PIBF1: variants seen among roughly 807,000 people sequenced by gnomAD.
PIBF1 encodes progesterone-induced-blocking factor 1.
In PIBF1, 90 loss-of-function variants were observed where a neutral mutation model predicts 112.5. The ratio of observed to expected loss-of-function variants is 0.80; its 90% CI spans 0.67 to 0.95. The LOEUF is 0.95. Ranked by LOEUF, PIBF1 falls within the 40% of genes least tolerant of loss-of-function variation. The pLI, the probability that PIBF1 is intolerant of heterozygous loss-of-function variation, is 0.00. For missense variants in PIBF1, 915 were observed against 852.3 expected, an observed-to-expected ratio of 1.07 and a Z score of -0.92; for synonymous variants, 301 against 288.6, an observed-to-expected ratio of 1.04 and a Z score of -0.44.
At chr13:72,790,930 G>A (rs1387984432) in intron 2 of PIBF1, among the ~76,000 whole-genome samples, 2 of 152,152 alleles carry the variant, frequency 1.3e-5, no homozygotes, top group Non-Finnish European at 2.9e-5. Flanking sequence ...GTGATCAAGG[G>A]ACCATTTGCT....
In PIBF1 at chr13:72,924,670, G is replaced by C. The variant is rs148929625; in HGVS notation, c.1731-6495G>C. On this transcript the variant is annotated intron_variant, in intron 13 of 17. Transcript: ENST00000326291. ...GGTCAAGACTGCAGTAGCCATGTTTGCACCATTGCACTTCCTGGCCTGGGC... is the reference window on the plus strand; with the variant it reads ...GGTCAAGACTGCAGTAGCCATGTTTCCACCATTGCACTTCCTGGCCTGGGC... Among the ~76,000 whole-genome samples the C allele has an allele frequency of 2.5e-4, 38 of 151,966 alleles. No homozygotes were observed. The East Asian group carries it at 6.4e-3, about 26-fold the overall frequency.
intron 14 of PIBF1, among the ~76,000 whole-genome samples, chr13:72,961,387 A>G (rs2042603549): frequency 6.6e-6 from 1 of 152,114 alleles, no homozygotes; most frequent in Admixed American, 6.6e-5. Flanking sequence ...CAAAAAATTG[A>G]TATGCTAAAG....
chr13:72,790,112 A>C (rs1424094618), intron 2 of PIBF1, among the ~76,000 whole-genome samples: 1 of 152,092 alleles, frequency 6.6e-6, no homozygotes, highest in Admixed American at 6.6e-5. Flanking sequence ...TTAGCCCATC[A>C]CCATTTTTTA....
At chr13:72,846,880 G>C (rs1566351584) in intron 9 of PIBF1, among the ~76,000 whole-genome samples, 1 of 152,152 alleles carries the variant, frequency 6.6e-6, no homozygotes, top group Non-Finnish European at 1.5e-5. Flanking sequence ...CCAGGTACCA[G>C]TGCCTGGTAC....
intron 2 of PIBF1, among the ~76,000 whole-genome samples, chr13:72,785,737 C>G (rs772717719): frequency 6.6e-6 from 1 of 152,168 alleles, no homozygotes; most frequent in Non-Finnish European, 1.5e-5. Context: ...ATTGAAGAAA[C>G]CTGAGGTTAT....
intron 14 of PIBF1, among the ~76,000 whole-genome samples, chr13:72,932,789 T>C: frequency 6.6e-6 from 1 of 152,238 alleles, no homozygotes; most frequent in East Asian, 1.9e-4. Context: ...TGTATTTTAC[T>C]ATAAATTTAA....
At position 72,917,078 on chromosome 13, in the gene PIBF1, G is replaced by C. The variant is rs576805929; in HGVS notation, c.1642G>C (p.Glu548Gln). The stretch of plus-strand genomic sequence containing the variant: ...TTATACACTTTAATATTTTCCAGTT[G>C]AAAATGAAGATGAGGCTGAAAGGGT... ...DEIIMQTAEI[E>Q]NEDEAERVLF... The change falls in exon 13 of 18, where the codon GAA becomes CAA. Residue 548 changes from glutamate to glutamine, a missense_variant and splice_region_variant. Glu to Gln is a conservative substitution (Grantham distance 29). Coordinates refer to ENST00000326291, the MANE Select transcript of PIBF1 (RefSeq NM_006346.4). The C allele has an allele frequency of 4.5e-6, 7 of 1,572,584 alleles. No homozygotes were observed. The highest frequency in any genetic ancestry group is 1.8e-5 in the Admixed American group (1 of 55,010).
chr13:72,951,878 T>C (rs914491815), intron 14 of PIBF1, among the ~76,000 whole-genome samples: 1 of 152,140 alleles, frequency 6.6e-6, no homozygotes, highest in African/African-American at 2.4e-5. Context: ...ATTTTAGTAT[T>C]TTTAGTAGAG....
intron 16 of PIBF1, chr13:72,974,012 G>A (rs1316185447): frequency 3.2e-6 from 1 of 312,774 alleles, no homozygotes; most frequent in Non-Finnish European, 5.8e-6. Context: ...TGCCTGTAGT[G>A]TAGATAATTT....
chr13:72,837,880 A>G lies in PIBF1; in HGVS notation c.1223+2512A>G, dbSNP rs115703991. On this transcript the variant is annotated intron_variant, in intron 9 of 17. Transcript: ENST00000326291. ...GTCCCTTCATGTTCATTACAAAAGTATAACAGTTTTATGAATGTACATGCT... is the reference window on the plus strand; with the variant it reads ...GTCCCTTCATGTTCATTACAAAAGTGTAACAGTTTTATGAATGTACATGCT... Among the ~76,000 whole-genome samples the G allele has an allele frequency of 2.3e-3, 343 of 152,320 alleles. 2 individuals carry two copies. The highest frequency in any genetic ancestry group is 8.0e-3 in the African/African-American group (331 of 41,586).
chr13:72,927,769 A>G (rs2041535895), intron 13 of PIBF1, among the ~76,000 whole-genome samples: 1 of 150,882 alleles, frequency 6.6e-6, no homozygotes, highest in Non-Finnish European at 1.5e-5. Flanking sequence ...AAATCTTAAT[A>G]TAATCTCTTA....
At chr13:72,981,220 C>A (rs1022231213) in intron 16 of PIBF1, among the ~76,000 whole-genome samples, 1 of 151,328 alleles carries the variant, frequency 6.6e-6, no homozygotes, top group Non-Finnish European at 1.5e-5. Flanking sequence ...CCACTGCACT[C>A]CAGCCTGGGT....
At chr13:72,819,870 A>G (rs932635674) in intron 5 of PIBF1, among the ~76,000 whole-genome samples, 26 of 152,016 alleles carry the variant, frequency 1.7e-4, no homozygotes, top group African/African-American at 7.2e-5. Context: ...ACTGTCTTCC[A>G]CTGTTTTTCC....
chr13:72,797,696 G>T (rs1026579610), intron 4 of PIBF1, among the ~76,000 whole-genome samples: 1 of 152,132 alleles, frequency 6.6e-6, no homozygotes, highest in African/African-American at 2.4e-5. Flanking sequence ...ACTGTCAAAG[G>T]TAAGAGGTTA....
intron 9 of PIBF1, chr13:72,836,023 G>C (rs960516980): frequency 2.5e-6 from 1 of 399,982 alleles, no homozygotes; most frequent in Non-Finnish European, 4.9e-6. Flanking sequence ...GGCATGAACC[G>C]GGGACACAGA....
At chr13:72,902,675 C>T (rs925731533) in intron 11 of PIBF1, among the ~76,000 whole-genome samples, 4 of 152,042 alleles carry the variant, frequency 2.6e-5, no homozygotes, top group Non-Finnish European at 5.9e-5. Context: ...TTAGAAGTAA[C>T]TTAAGTGTCC....
At chr13:72,853,869 A>C (rs945659398) in intron 9 of PIBF1, among the ~76,000 whole-genome samples, 188 bp from the exon 10 acceptor site, 1 of 152,186 alleles carries the variant, frequency 6.6e-6, no homozygotes, top group South Asian at 2.1e-4. Context: ...GAGATAGACC[A>C]TACTGGCACC....
intron 14 of PIBF1, among the ~76,000 whole-genome samples, chr13:72,958,721 T>G (rs1380174827): frequency 6.6e-6 from 1 of 152,198 alleles, no homozygotes; most frequent in East Asian, 1.9e-4. Context: ...ATGTATCAGT[T>G]AAATATTACC....
intron 14 of PIBF1, among the ~76,000 whole-genome samples, chr13:72,963,750 TCA>T (rs1487421346): frequency 6.6e-6 from 1 of 151,066 alleles, no homozygotes; most frequent in Non-Finnish European, 1.5e-5. Context: ...ACAAGAAAAA[TCA>T]CAATTAAAAT....
Sources: allele counts gnomAD v4.1 joint callset (sites outside exome capture counted in the v4.1 genomes callset), GRCh38; gene constraint gnomAD v4.1.1; transcripts MANE v1.5; gene names NCBI Gene and HGNC (gene_info 2026-07-23, HGNC 2026-07-21).